SLC12A7: variants seen among roughly 807,000 people sequenced by gnomAD.
The protein encoded by SLC12A7 is K-Cl cotransporter 4.
In SLC12A7, 100 loss-of-function variants were observed where a neutral mutation model predicts 120.6. That is an observed-to-expected ratio of 0.83 (90% CI 0.71 to 0.98). The LOEUF (loss-of-function observed/expected upper bound fraction) is 0.98, where lower values mean the gene tolerates loss of function less well. Ranked by LOEUF, SLC12A7 falls within the 50% of genes least tolerant of loss-of-function variation. SLC12A7 has a pLI of 0.00. For synonymous variants in SLC12A7, 760 were observed against 678.0 expected, an observed-to-expected ratio of 1.12 and a Z score of -1.88; for missense variants, 1,373 against 1,548.1, an observed-to-expected ratio of 0.89 and a Z score of 1.90.
At chr5:1,063,762 G>A (rs554885843) in intron 20 of SLC12A7, 82 bp downstream of exon 20, 1 of 102,164 alleles carries the variant, frequency 9.8e-6, no homozygotes, top group African/African-American at 4.5e-5. Flanking sequence ...CCCACCTCAC[G>A]AGGCCCACAG....
intron 15 of SLC12A7, among the ~76,000 whole-genome samples, chr5:1,075,071 C>T (rs562424370): frequency 9.8e-5 from 15 of 152,306 alleles, no homozygotes; most frequent in Admixed American, 1.3e-4. Flanking sequence ...GGGGACACCT[C>T]GCGAGACACG....
the SLC12A7 span, among the ~76,000 whole-genome samples, chr5:1,142,326 CTCTCCTCT>C: frequency 9.9e-6 from 1 of 101,048 alleles, no homozygotes; most frequent in African/African-American, 4.6e-5. Flanking sequence ...CCTCTCCCCT[CTCTCCTCT>C]CCCCTCTCCC....
intron 1 of SLC12A7, among the ~76,000 whole-genome samples, chr5:1,098,238 ACCCAGCCCCCCTCTAACCCTCTGCACG>A (rs1741540288): frequency 3.4e-4 from 3 of 8,820 alleles, no homozygotes; most frequent in Admixed American, 1.2e-3. Flanking sequence ...CCCTCTGCAC[ACCCAGCCCCCCTCTAACCCTCTGCACG>A]CCCAGGCCCC....
intron 3 of SLC12A7, 30 bp from the exon 4 acceptor site, chr5:1,089,158 C>A: frequency 6.2e-7 from 1 of 1,606,024 alleles, no homozygotes. Context: ...GTCCCAGGGG[C>A]TCGTACCCCA....
chr5:1,060,373 G>A lies in SLC12A7; in HGVS notation c.2818C>T (p.Gln940Ter). The change falls in exon 21 of 24, where the codon CAG becomes TAG. Residue 940 changes from glutamine (Q) to a stop codon, truncating the protein, a stop_gained. Coordinates refer to ENST00000264930, the MANE Select transcript of SLC12A7 (RefSeq NM_006598.3). LOFTEE classifies it high-confidence loss of function. ...EQRSQMLKQM[Q>*]LSKNEQEREA... ...CGCTCCTGCTCGTTCTTGGACAGCT[G>A]CATCTGCTTCAGCATCTGCGACCTC... 2 of 1,613,618 alleles carry A rather than the reference G, an allele frequency of 1.2e-6. No individual in the cohort carries two copies. Among genetic ancestry groups the A allele is most frequent in the Non-Finnish European group, 1.7e-6 (2 of 1,179,830 alleles).
intron 9 of SLC12A7, among the ~76,000 whole-genome samples, chr5:1,081,315 C>T (rs768655188): frequency 6.6e-6 from 1 of 152,106 alleles, no homozygotes; most frequent in Non-Finnish European, 1.5e-5. Flanking sequence ...AGACATTAAC[C>T]GGGCGTGGTA....
At chr5:1,093,310 C>G (rs1270728820) in intron 3 of SLC12A7, among the ~76,000 whole-genome samples, 1 of 152,192 alleles carries the variant, frequency 6.6e-6, no homozygotes, top group East Asian at 1.9e-4. Flanking sequence ...CACCCAGATG[C>G]ATGGGGGTGT....
At chr5:1,096,036 C>T (rs1561096605) in intron 1 of SLC12A7, among the ~76,000 whole-genome samples, 1 of 152,334 alleles carries the variant, frequency 6.6e-6, no homozygotes, top group East Asian at 1.9e-4. Flanking sequence ...CAAATGCACG[C>T]ACAACCTCAG....
At chr5:1,108,029 T>TACACAC (rs59652318) in intron 1 of SLC12A7, among the ~76,000 whole-genome samples, 66 of 151,492 alleles carry the variant, frequency 4.4e-4, no homozygotes, top group Admixed American at 3.2e-3. Flanking sequence ...AACACACACA[T>TACACAC]ACACACACAC....
intron 17 of SLC12A7, among the ~76,000 whole-genome samples, chr5:1,067,773 G>A (rs1737211060): frequency 1.3e-5 from 2 of 151,624 alleles, no homozygotes; most frequent in African/African-American, 4.8e-5. Flanking sequence ...CACTGCCCTG[G>A]CCTGGCAGGA....
At chr5:1,067,381 G>A (rs1033777092) in intron 17 of SLC12A7, among the ~76,000 whole-genome samples, 2 of 152,228 alleles carry the variant, frequency 1.3e-5, no homozygotes, top group African/African-American at 2.4e-5. Flanking sequence ...CGCATCGGGC[G>A]TCATGTGGGA....
At chr5:1,119,696 C>T in the SLC12A7 span, among the ~76,000 whole-genome samples, 3 of 152,272 alleles carry the variant, frequency 2.0e-5, no homozygotes, top group Non-Finnish European at 2.9e-5. Context: ...TCCCCACCCA[C>T]ACAGCCCCAT....
At chr5:1,122,643 G>C in the SLC12A7 span, among the ~76,000 whole-genome samples, 1 of 152,140 alleles carries the variant, frequency 6.6e-6, no homozygotes. Context: ...TTCTGCGTTC[G>C]GTCTCTACAG....
At chr5:1,145,697 T>A in the SLC12A7 span, among the ~76,000 whole-genome samples, 10 of 152,206 alleles carry the variant, frequency 6.6e-5, 1 homozygote, top group South Asian at 1.7e-3. The surrounding 1 kb of genome is among the most constrained non-coding windows in gnomAD (Gnocchi z 4.4). Flanking sequence ...TGCCTAGGTG[T>A]GAATTGATTT....
chr5:1,104,755 C>T (rs191491466), intron 1 of SLC12A7, among the ~76,000 whole-genome samples: 10 of 152,338 alleles, frequency 6.6e-5, no homozygotes, highest in African/African-American at 1.9e-4. Flanking sequence ...CAGGTCCACA[C>T]GTGATTCAGA....
intron 1 of SLC12A7, among the ~76,000 whole-genome samples, chr5:1,106,945 G>A (rs980623350): frequency 6.6e-6 from 1 of 152,198 alleles, no homozygotes; most frequent in African/African-American, 2.4e-5. Flanking sequence ...AGGAGTTGCT[G>A]CTCTGCTCGC....
the SLC12A7 span, among the ~76,000 whole-genome samples, chr5:1,140,557 T>A: frequency 0.011 from 1,693 of 152,254 alleles, 24 homozygotes; most frequent in Non-Finnish European, 0.014. Flanking sequence ...GAGGCGTCAT[T>A]CTGTAAACAG....
chr5:1,063,897 G>C lies in SLC12A7; in HGVS notation c.2686C>G (p.Gln896Glu). The C allele has an allele frequency of 6.2e-7, 1 of 1,607,970 alleles. No individual in the cohort carries two copies. Among genetic ancestry groups the C allele is most frequent in the Non-Finnish European group, 8.5e-7 (1 of 1,177,862 alleles). The stretch of plus-strand genomic sequence containing the variant: ...ATGCGCAAGTGGTACAAGAACATCT[G>C]CAGGTCCTTCTTCATCTGGATGCTG... Reference protein sequence around the residue: ...DNSIQMKKDLQMFLYHLRISA... With the variant: ...DNSIQMKKDLEMFLYHLRISA... Residue 896 changes from glutamine to glutamate, a missense_variant, in exon 20 of 24, where the codon CAG (glutamine) becomes GAG (glutamate). Physicochemically the swap from Gln to Glu is conservative, Grantham distance 29 (BLOSUM62 2). Transcript: ENST00000264930.
At chr5:1,118,870 G>A in the SLC12A7 span, among the ~76,000 whole-genome samples, 40 of 152,340 alleles carry the variant, frequency 2.6e-4, 1 homozygote, top group South Asian at 8.3e-3. Flanking sequence ...GGCGTGTCTC[G>A]CTGAACTTCT....
Sources: gnomAD v4.1 joint callset for allele counts (sites outside exome capture counted in the v4.1 genomes callset) on GRCh38, gnomAD v4.1.1 for gene constraint, Gnocchi (gnomAD v3.1) non-coding constraint, MANE v1.5 for transcripts, NCBI Gene and HGNC (gene_info 2026-07-23, HGNC 2026-07-21) for gene names.